The following PCNX2 variants were observed in gnomAD, a reference collection of about 807,000 sequenced individuals.
PCNX2 encodes pecanex 2, also known as pecanex-like protein 2.
In PCNX2, 168 loss-of-function variants were observed where a neutral mutation model predicts 223.8. The ratio of observed to expected loss-of-function variants is 0.75; its 90% CI spans 0.66 to 0.85. The LOEUF is 0.85. Among genes scored for constraint, PCNX2 ranks in the 40% least tolerant of loss-of-function variants. PCNX2 has a pLI of 0.00. For synonymous variants in PCNX2, 1,006 were observed against 1,052.6 expected (o/e 0.96, Z 0.86); for missense variants, 2,507 against 2,675.5 (o/e 0.94, Z 1.39).
chr1:233,227,099 T>C, intron 10 of PCNX2, 127 bp downstream of exon 10: 6 of 1,131,788 alleles, frequency 5.3e-6, no homozygotes, highest in Non-Finnish European at 5.8e-6. Flanking sequence ...AACTTTGGGT[T>C]GTCAGCAAAG....
Position 233,260,717 on chromosome 1 carries a change from T to C in PCNX2, c.517+568A>G, listed in dbSNP as rs146483548. ...TGCACAAAATTTGTCTTTGTAGTAG[T>C]GGAAAAGAAAATAGAATTGCAGAGA... On this transcript the variant is annotated intron_variant, in intron 4 of 33. Transcript: ENST00000258229. Among the ~76,000 whole-genome samples the C allele has an allele frequency of 4.3e-3, 652 of 151,858 alleles. 5 individuals are homozygous for C. The highest frequency in any genetic ancestry group is 0.015 in the African/African-American group (623 of 41,416).
chr1:233,062,078 C>A (rs964322461), intron 23 of PCNX2, among the ~76,000 whole-genome samples: 1 of 152,036 alleles, frequency 6.6e-6, no homozygotes, highest in Non-Finnish European at 1.5e-5. Context: ...GTATTTTACC[C>A]AGTTTTCTTT....
chr1:233,307,845 G>T, the PCNX2 span, among the ~76,000 whole-genome samples: 1 of 152,192 alleles, frequency 6.6e-6, no homozygotes, highest in Non-Finnish European at 1.5e-5. Context: ...AATGAGTTCA[G>T]AGCCCACGCT....
At chr1:232,986,028 G>A (rs547915503) in intron 33 of PCNX2, 64 bp downstream of exon 33, 8 of 1,524,728 alleles carry the variant, frequency 5.2e-6, no homozygotes, top group Non-Finnish European at 7.1e-6. Context: ...CAGGTGCCAC[G>A]CTCAGGCCAG....
intron 23 of PCNX2, among the ~76,000 whole-genome samples, chr1:233,060,034 G>T (rs868314984): frequency 4.6e-5 from 7 of 152,202 alleles, no homozygotes; most frequent in African/African-American, 1.7e-4. Context: ...ATCTAGGCAA[G>T]ATCCTGTTGA....
chr1:233,233,216 G>T (rs1463447010), intron 9 of PCNX2, among the ~76,000 whole-genome samples: 4 of 152,286 alleles, frequency 2.6e-5, no homozygotes, highest in African/African-American at 9.6e-5. Flanking sequence ...GCACATGATG[G>T]ATAAACTTAG....
chr1:233,017,282 C>A, intron 26 of PCNX2, 128 bp from the exon 27 acceptor site: 1 of 516,288 alleles, frequency 1.9e-6, no homozygotes. Context: ...GGGTGTAATG[C>A]ACAGAACTCA....
At chr1:233,204,236 CAGG>C (rs1236466475) in intron 13 of PCNX2, among the ~76,000 whole-genome samples, 2 of 152,100 alleles carry the variant, frequency 1.3e-5, no homozygotes, top group African/African-American at 4.8e-5. Context: ...TGTAAATATA[CAGG>C]AGAAGAATGC....
At chr1:233,018,225 T>C (rs541437479) in intron 26 of PCNX2, among the ~76,000 whole-genome samples, 2 of 151,870 alleles carry the variant, frequency 1.3e-5, no homozygotes, top group African/African-American at 4.8e-5. Flanking sequence ...GACAGGATCT[T>C]GTTGCCCAGT....
intron 32 of PCNX2, among the ~76,000 whole-genome samples, chr1:232,992,947 T>G (rs1291792225): frequency 6.6e-6 from 1 of 152,238 alleles, no homozygotes; most frequent in South Asian, 2.1e-4. Context: ...TCCCCAGCCA[T>G]GTGGACCTGT....
At chr1:232,985,584 A>G (rs1669444215) in intron 33 of PCNX2, 1 of 207,378 alleles carries the variant, frequency 4.8e-6, no homozygotes, top group Non-Finnish European at 9.5e-6. Context: ...GTAACAGCTT[A>G]TTTGGGTGAA....
Position 233,179,191 on chromosome 1 carries a change from CAGTT to C in PCNX2, c.3067-20_3067-17del, listed in dbSNP as rs1679654591. 1 of 1,612,638 alleles carries C rather than the reference CAGTT, an allele frequency of 6.2e-7. No individual in the cohort carries two copies. The highest frequency in any genetic ancestry group is 8.5e-7 in the Non-Finnish European group (1 of 1,179,096). On this transcript the variant is annotated splice_polypyrimidine_tract_variant and intron_variant, in intron 15 of 33. Transcript: ENST00000258229. The stretch of plus-strand genomic sequence containing the variant: ...TCCACGGTTCCTAAAGAAAAGACAT[CAGTT>C]AGCCAAGTCACTCCACAGCTGTGTG...
intron 17 of PCNX2, among the ~76,000 whole-genome samples, chr1:233,167,522 T>C (rs1678873097): frequency 6.6e-6 from 1 of 152,176 alleles, no homozygotes; most frequent in South Asian, 2.1e-4. Flanking sequence ...AACTGTACTA[T>C]ATTTGGGATT....
chr1:233,239,359 G>A (rs1209760360), intron 8 of PCNX2, among the ~76,000 whole-genome samples: 2 of 151,088 alleles, frequency 1.3e-5, no homozygotes, highest in African/African-American at 4.9e-5. Flanking sequence ...ATGATACAAA[G>A]GAAGTGTCAA....
At chr1:233,118,159 A>G (rs572372728) in intron 21 of PCNX2, among the ~76,000 whole-genome samples, 1 of 152,352 alleles carries the variant, frequency 6.6e-6, no homozygotes, top group South Asian at 2.1e-4. Flanking sequence ...CACCCAATAT[A>G]GGAAAAGCAT....
chr1:233,236,121 C>T (rs927794490), intron 9 of PCNX2, among the ~76,000 whole-genome samples: 2 of 151,606 alleles, frequency 1.3e-5, no homozygotes, highest in Non-Finnish European at 2.9e-5. Flanking sequence ...TCCATCTGTA[C>T]CAATGGAAAC....
At chr1:233,182,410 T>C (rs1679853414) in intron 15 of PCNX2, among the ~76,000 whole-genome samples, 1 of 152,158 alleles carries the variant, frequency 6.6e-6, no homozygotes, top group African/African-American at 2.4e-5. Flanking sequence ...TGCTTCCTAA[T>C]GGGGACTCAC....
In PCNX2 at chr1:233,295,473, C is replaced by G; in HGVS notation, c.6G>C (p.Val2=). Residue 2 remains valine, a synonymous_variant, in exon 1 of 34, where the codon GTG becomes GTC. Coordinates refer to ENST00000258229, the MANE Select transcript of PCNX2 (RefSeq NM_014801.4). This position sits in a 1 kb window ranked among gnomAD's most constrained non-coding sequence, Gnocchi z 4.1. ...GCCGGAGCAGCTGCAGCACCTGGGA[C>G]ACCATGCCGGCTGCGCCCCGGGGCT... M[V]SQVLQLLRQG... 6.5e-7 allele frequency: 1 copy of G among 1,548,274 alleles called. No individual in the cohort carries two copies. The highest frequency in any genetic ancestry group is 1.2e-5 in the South Asian group (1 of 83,896).
chr1:233,161,442 A>G (rs1678475679), intron 17 of PCNX2, 79 bp from the exon 18 acceptor site: 1 of 1,229,818 alleles, frequency 8.1e-7, no homozygotes, highest in Admixed American at 1.9e-5. Context: ...ATCAAGCAGC[A>G]GGACATTGAC....
Sources: allele counts gnomAD v4.1 joint callset (sites outside exome capture counted in the v4.1 genomes callset), GRCh38; gene constraint gnomAD v4.1.1; non-coding constraint Gnocchi (gnomAD v3.1); transcripts MANE v1.5; gene names NCBI Gene and HGNC (gene_info 2026-07-23, HGNC 2026-07-21).